The following RCC1L variants were observed in gnomAD, a reference collection of about 807,000 sequenced individuals.
RCC1L encodes the protein RCC1-like G exchanging factor-like protein.
RCC1L carries 46 observed loss-of-function variants against 58.6 expected under a neutral mutation model. The observed-to-expected ratio is 0.79, with a 90% CI of 0.62 to 1.00. The LOEUF (loss-of-function observed/expected upper bound fraction) is 1.00. RCC1L is among the 50% of genes least tolerant of loss of function. The pLI, the probability that RCC1L is intolerant of heterozygous loss-of-function variation, is 0.00. For synonymous variants in RCC1L, 281 were observed against 262.9 expected, an observed-to-expected ratio of 1.07 and a Z score of -0.67; for missense variants, 636 against 623.6, an observed-to-expected ratio of 1.02 and a Z score of -0.21.
chr7:75,069,376 A>G (rs587662122), intron 2 of RCC1L, among the ~76,000 whole-genome samples: 124 of 148,838 alleles, frequency 8.3e-4, no homozygotes, highest in Non-Finnish European at 1.4e-3. Flanking sequence ...TTCGTTTTTC[A>G]TTTCTTTTTT....
At chr7:75,047,452 G>A (rs1459377563) in intron 10 of RCC1L, among the ~76,000 whole-genome samples, 1 of 151,980 alleles carries the variant, frequency 6.6e-6, no homozygotes, top group Non-Finnish European at 1.5e-5. Flanking sequence ...TTGTAGAGAT[G>A]GAGTCTCACT....
chr7:75,064,687 T>G, intron 3 of RCC1L, 39 bp from the exon 4 acceptor site: 1 of 1,609,900 alleles, frequency 6.2e-7, no homozygotes, highest in South Asian at 1.1e-5. Context: ...TTCTGCAGGT[T>G]TGTGGGATCC....
At chr7:75,050,400 C>T (rs1228437102) in intron 10 of RCC1L, among the ~76,000 whole-genome samples, 2 of 152,354 alleles carry the variant, frequency 1.3e-5, no homozygotes, top group East Asian at 3.9e-4. Flanking sequence ...GGGCTCCGGC[C>T]ACTCCCTGCC....
At chr7:75,056,844 G>A in intron 8 of RCC1L, 1 of 1,026,836 alleles carries the variant, frequency 9.7e-7, no homozygotes, top group Non-Finnish European at 1.5e-6. Flanking sequence ...TTTGAAACAG[G>A]GTCTCACCGT....
intron 10 of RCC1L, among the ~76,000 whole-genome samples, chr7:75,028,416 C>T (rs1295353617): frequency 4.6e-5 from 7 of 152,066 alleles, no homozygotes; most frequent in South Asian, 2.1e-4. Flanking sequence ...CCACCGTGCC[C>T]GGCCTCATGG....
At chr7:75,051,179 ATATATATATATATATATTT>A (rs1805892627) in intron 10 of RCC1L, among the ~76,000 whole-genome samples, 13 of 144,516 alleles carry the variant, frequency 9.0e-5, no homozygotes, top group Admixed American at 3.5e-4. Flanking sequence ...CTTGGAAAAA[ATATATATATATATATATTT>A]AATATATATA....
intron 10 of RCC1L, among the ~76,000 whole-genome samples, chr7:75,051,676 G>A (rs1038952603): frequency 6.6e-6 from 1 of 152,144 alleles, no homozygotes; most frequent in South Asian, 2.1e-4. Flanking sequence ...CTCCCCAAGC[G>A]CTGGGATTAC....
chr7:75,069,810 C>A (rs1806653129), intron 2 of RCC1L, among the ~76,000 whole-genome samples: 1 of 151,974 alleles, frequency 6.6e-6, no homozygotes, highest in South Asian at 2.1e-4. Context: ...AGTGATCTGC[C>A]CTCCTCGGCT....
chr7:75,032,581 A>C lies in RCC1L; in HGVS notation c.1318-4502T>G, dbSNP rs1034727506. ...GTGAGCAGGGCAGAGCTGAAGACCC[A>C]TCCCTGCCCTAGGCCCCATCAGCCC... On this transcript the variant is annotated intron_variant, in intron 10 of 10. Transcript: ENST00000614461. Among the ~76,000 whole-genome samples, 52 of 152,154 alleles carry C rather than the reference A, an allele frequency of 3.4e-4. 1 individual carries two copies. The highest frequency in any genetic ancestry group is 1.2e-3 in the African/African-American group (50 of 41,518).
In RCC1L at chr7:75,073,449, G is replaced by A. The variant is rs1806842965; in HGVS notation, c.289C>T (p.Gln97Ter). ...AGCTCCAGGCGATAGGGCACGGGCT[G>A]GATCCTGCGGCGCGGTCGGGCGCCG... ...RAGARPRRRI[Q>*]PVPYRLELDQ... is the part of the protein sequence containing the mutation. Residue 97 changes from glutamine (Q) to a stop codon, truncating the protein, a stop_gained, in exon 1 of 11, where the codon CAG (glutamine) becomes TAG (stop). Transcript: ENST00000610322. LOFTEE classifies it high-confidence loss of function. 1 of 1,366,436 alleles carries A rather than the reference G, an allele frequency of 7.3e-7. No individual in the cohort carries two copies. Among genetic ancestry groups the A allele is most frequent in the Non-Finnish European group, 9.4e-7 (1 of 1,063,062 alleles). The allele number at this position is 1,366,436 out of a possible 1,614,324, so 84.6% of individuals were successfully genotyped here. A position where few individuals can be genotyped will look rare whatever the true frequency, so the allele number is the denominator to read the frequency against.
At position 75,073,732 on chromosome 7, in the gene RCC1L, C is replaced by T; in HGVS notation, c.6G>A (p.Ala2=). The part of the protein sequence containing the change: M[A]LVALVAGARL... ...GAGCCCCAGCCACCAACGCCACCAG[C>T]GCCATCCTCCGTTCCGCGCCTCAGC... The change falls in exon 1 of 11, where the codon GCG becomes GCA. Residue 2 remains alanine, a synonymous_variant. Coordinates refer to ENST00000610322, the MANE Select transcript of RCC1L (RefSeq NM_030798.5). 2.0e-6 allele frequency: 3 copies of T among 1,504,470 alleles called. No individual in the cohort carries two copies. The highest frequency in any genetic ancestry group is 2.6e-5 in the East Asian group (1 of 38,358). The allele number at this position is 1,504,470 out of a possible 1,614,324, so 93.2% of individuals were successfully genotyped here. A position where few individuals can be genotyped will look rare whatever the true frequency, so the allele number is the denominator to read the frequency against.
intron 5 of RCC1L, among the ~76,000 whole-genome samples, chr7:75,062,177 A>G (rs1175050967): frequency 6.6e-6 from 1 of 151,812 alleles, no homozygotes; most frequent in Non-Finnish European, 1.5e-5. Context: ...AAAGAAAAAG[A>G]AACTATCTTG....
intron 2 of RCC1L, among the ~76,000 whole-genome samples, chr7:75,067,044 G>C (rs1175033540): frequency 6.6e-6 from 1 of 152,166 alleles, no homozygotes; most frequent in African/African-American, 2.4e-5. Flanking sequence ...GCTCATGCCT[G>C]TAATCCCAGC....
rs947917141 is a variant in RCC1L, at chr7:75,036,613, G to A, written c.1318-8534C>T. Among the ~76,000 whole-genome samples, 5 of 152,038 alleles carry A rather than the reference G, an allele frequency of 3.3e-5. No homozygotes were observed. The East Asian group carries it at 9.7e-4, about 30-fold the overall frequency. ...TCATCTTCAATATTTTTCTCCCGGG[G>A]CCAGGTGCGGTAGCTCACGCCTGTA... On this transcript the variant is annotated intron_variant, in intron 10 of 10. Coordinates refer to the RCC1L transcript ENST00000614461.
intron 5 of RCC1L, among the ~76,000 whole-genome samples, 194 bp downstream of exon 5, chr7:75,063,098 C>T (rs1362313568): frequency 1.3e-5 from 2 of 151,862 alleles, no homozygotes; most frequent in African/African-American, 4.8e-5. Context: ...ACACCCGGCC[C>T]CAAAATCTTA....
intron 9 of RCC1L, among the ~76,000 whole-genome samples, chr7:75,053,341 G>A (rs1805979512): frequency 6.6e-6 from 1 of 152,108 alleles, no homozygotes; most frequent in Non-Finnish European, 1.5e-5. Flanking sequence ...CTCACCCCTT[G>A]TGCCCCGCCC....
intron 1 of RCC1L, 101 bp from the exon 2 acceptor site, chr7:75,070,870 T>C: frequency 1.3e-6 from 2 of 1,493,400 alleles, no homozygotes; most frequent in Non-Finnish European, 1.8e-6. Flanking sequence ...ACATACTATT[T>C]ACGGGGGTTT....
chr7:75,060,550 C>G (rs1806242277), intron 6 of RCC1L, among the ~76,000 whole-genome samples: 1 of 152,236 alleles, frequency 6.6e-6, no homozygotes, highest in Non-Finnish European at 1.5e-5. Context: ...CCTGCCTCAG[C>G]CTTCCTAGTA....
chr7:75,042,733 C>A lies in RCC1L; in HGVS notation c.*299G>T. 1 of 1,332,364 alleles carries A rather than the reference C, an allele frequency of 7.5e-7. No homozygotes were observed. The highest frequency in any genetic ancestry group is 9.7e-7 in the Non-Finnish European group (1 of 1,033,438). The allele number at this position is 1,332,364 out of a possible 1,614,324, so 82.5% of individuals were successfully genotyped here. A position where few individuals can be genotyped will look rare whatever the true frequency, so the allele number is the denominator to read the frequency against. ...CCTAAGACGGGCTTCTCAGGCGAGA[C>A]GTGACACCAGACACCGTCGCATGTT... On this transcript the variant is annotated 3_prime_UTR_variant, in exon 11 of 11. Transcript: ENST00000610322.
Sources: gnomAD v4.1 joint callset for allele counts (sites outside exome capture counted in the v4.1 genomes callset) on GRCh38, gnomAD v4.1.1 for gene constraint, MANE v1.5 for transcripts, NCBI Gene and HGNC (gene_info 2026-07-23, HGNC 2026-07-21) for gene names.